CBFB: variants seen among roughly 807,000 people sequenced by gnomAD.
The protein encoded by CBFB is CBF-beta.
CBFB carries 9 observed loss-of-function variants against 30.4 expected under a neutral mutation model. The ratio of observed to expected loss-of-function variants is 0.30; its 90% CI spans 0.18 to 0.52. CBFB has a LOEUF of 0.52. Among genes scored for constraint, CBFB ranks in the 20% least tolerant of loss-of-function variants. CBFB has a pLI of 0.97. For missense variants in CBFB, 170 were observed against 244.0 expected, an observed-to-expected ratio of 0.70 and a Z score of 2.02; for synonymous variants, 94 against 84.0, an observed-to-expected ratio of 1.12 and a Z score of -0.65.
At chr16:67,089,420 A>C (rs541069455) in intron 5 of CBFB, among the ~76,000 whole-genome samples, 1 of 152,194 alleles carries the variant, frequency 6.6e-6, no homozygotes, top group Non-Finnish European at 1.5e-5. Flanking sequence ...TTCACTGTGT[A>C]TCTTCTGTAC....
chr16:67,044,886 G>A (rs1437772787), intron 3 of CBFB, among the ~76,000 whole-genome samples: 1 of 152,136 alleles, frequency 6.6e-6, no homozygotes, highest in East Asian at 1.9e-4. Context: ...TTTGGAGTGT[G>A]ATTTTCTTCA....
intron 2 of CBFB, among the ~76,000 whole-genome samples, chr16:67,033,826 T>G (rs1231561259): frequency 1.4e-5 from 2 of 146,984 alleles, no homozygotes; most frequent in Non-Finnish European, 3.0e-5. Context: ...GTTGTTTTTT[T>G]TTTTTTTTTT....
At position 67,050,744 on chromosome 16, in the gene CBFB, G is replaced by A. The variant is rs144422583; in HGVS notation, c.282+13989G>A. 4.8e-3 allele frequency among the ~76,000 whole-genome samples: 737 copies of A among 152,186 alleles called. 6 individuals are homozygous for A. Among genetic ancestry groups the A allele is most frequent in the Non-Finnish European group, 7.1e-3 (481 of 68,012 alleles). On this transcript the variant is annotated intron_variant, in intron 3 of 5. Transcript: ENST00000412916. ...GGAGTTTGAGCCTACAGTGAACTAT[G>A]ATTGAGCCATGACACTCTAGCCTGG... is the stretch of plus-strand genomic sequence containing the variant.
intron 2 of CBFB, chr16:67,030,095 T>G (rs1382137381): frequency 1.1e-5 from 4 of 361,290 alleles, no homozygotes; most frequent in Non-Finnish European, 1.5e-5. Flanking sequence ...GGGCATTGTT[T>G]AGGCGGCGAC....
At chr16:67,087,579 T>C (rs1461740276) in intron 5 of CBFB, among the ~76,000 whole-genome samples, 1 of 152,184 alleles carries the variant, frequency 6.6e-6, no homozygotes, top group African/African-American at 2.4e-5. Flanking sequence ...AAGAAATAAA[T>C]ACATTGTTAA....
chr16:67,072,680 G>C (rs1440742269), intron 4 of CBFB, among the ~76,000 whole-genome samples: 1 of 151,436 alleles, frequency 6.6e-6, no homozygotes, highest in Non-Finnish European at 1.5e-5. Context: ...TGGTCAGGCT[G>C]GTCTTCAACT....
intron 2 of CBFB, among the ~76,000 whole-genome samples, chr16:67,034,132 C>A (rs1175956362): frequency 6.6e-6 from 1 of 152,162 alleles, no homozygotes; most frequent in Non-Finnish European, 1.5e-5. Context: ...CCGGCCTATT[C>A]TTACCAATTC....
chr16:67,080,430 G>A (rs183030806), intron 4 of CBFB, among the ~76,000 whole-genome samples: 1 of 152,148 alleles, frequency 6.6e-6, no homozygotes, highest in African/African-American at 2.4e-5. Context: ...ATTGATTGTG[G>A]AGACAATGAG....
intron 5 of CBFB, among the ~76,000 whole-genome samples, chr16:67,095,210 CAAAAAAAAAAAA>C (rs71145959): frequency 3.7e-5 from 1 of 27,070 alleles, no homozygotes; most frequent in African/African-American, 1.2e-4. Context: ...AAGTGTGTCT[CAAAAAAAAAAAA>C]AAAAAAAAAA....
chr16:67,090,677 G>T lies in CBFB; in HGVS notation c.496-8033G>T, dbSNP rs561175070. On this transcript the variant is annotated intron_variant, in intron 5 of 5. Transcript: ENST00000412916. ...GCTCCAAGGTGACAGGGTGCTTAAA[G>T]ATATTTTCTCTATTATCTTAAAAAT... 3.3e-4 allele frequency among the ~76,000 whole-genome samples: 51 copies of T among 152,264 alleles called. 1 individual carries two copies. The highest frequency in any genetic ancestry group is 1.2e-3 in the African/African-American group (50 of 41,562).
At chr16:67,083,042 G>A (rs1360852681) in intron 5 of CBFB, among the ~76,000 whole-genome samples, 1 of 152,140 alleles carries the variant, frequency 6.6e-6, no homozygotes, top group East Asian at 1.9e-4. Flanking sequence ...AGCTGGGTTT[G>A]GTGGCACATG....
At chr16:67,054,525 C>T (rs965279413) in intron 3 of CBFB, among the ~76,000 whole-genome samples, 16 of 152,106 alleles carry the variant, frequency 1.1e-4, no homozygotes, top group African/African-American at 1.7e-4. Context: ...CTGTGTCCTT[C>T]GTAAGGAAAT....
intron 5 of CBFB, among the ~76,000 whole-genome samples, chr16:67,085,673 C>CTTTTTTTTTT (rs764788080): frequency 8.7e-6 from 1 of 115,440 alleles, no homozygotes; most frequent in Admixed American, 8.8e-5. Flanking sequence ...AATTTAGTAT[C>CTTTTTTTTTT]TTTTTTTTTT....
At chr16:67,069,078 G>T (rs1486816202) in intron 4 of CBFB, among the ~76,000 whole-genome samples, 1 of 152,154 alleles carries the variant, frequency 6.6e-6, no homozygotes, top group Non-Finnish European at 1.5e-5. Context: ...GCCAGGCATG[G>T]TGGCGCATGC....
chr16:67,052,616 A>G (rs1960587461), intron 3 of CBFB, among the ~76,000 whole-genome samples: 1 of 152,022 alleles, frequency 6.6e-6, no homozygotes, highest in South Asian at 2.1e-4. Flanking sequence ...TTACAGTTAC[A>G]TATGTGGCTT....
chr16:67,081,370 G>A (rs903353767), intron 4 of CBFB, among the ~76,000 whole-genome samples: 2 of 151,890 alleles, frequency 1.3e-5, no homozygotes, highest in Admixed American at 6.6e-5. Context: ...GCACACGTAT[G>A]TTTATTGTGG....
At chr16:67,095,170 A>G (rs187337201) in intron 5 of CBFB, among the ~76,000 whole-genome samples, 39 of 132,318 alleles carry the variant, frequency 2.9e-4, no homozygotes, top group Admixed American at 7.8e-4. Flanking sequence ...AGATCAGGCC[A>G]TTGCACTCCA....
At chr16:67,068,544 A>ATC (rs2145753247) in intron 4 of CBFB, among the ~76,000 whole-genome samples, 1 of 152,316 alleles carries the variant, frequency 6.6e-6, no homozygotes, top group Non-Finnish European at 1.5e-5. Flanking sequence ...TGTGGAAAAC[A>ATC]GACTCCTCAG....
At chr16:67,055,583 C>T (rs1197860632) in intron 3 of CBFB, among the ~76,000 whole-genome samples, 1 of 151,838 alleles carries the variant, frequency 6.6e-6, no homozygotes, top group Non-Finnish European at 1.5e-5. Context: ...GTCTCGATCT[C>T]CTGACCTCGT....
Sources: gnomAD v4.1 joint callset for allele counts (sites outside exome capture counted in the v4.1 genomes callset) on GRCh38, gnomAD v4.1.1 for gene constraint, MANE v1.5 for transcripts, NCBI Gene and HGNC (gene_info 2026-07-23, HGNC 2026-07-21) for gene names.